NKAIN2: variants seen among roughly 807,000 people sequenced by gnomAD.
NKAIN2 encodes the protein sodium/potassium transporting ATPase interacting 2.
NKAIN2 carries 14 observed loss-of-function variants against 32.6 expected under a neutral mutation model. The observed-to-expected ratio is 0.43, with a 90% confidence interval of 0.28 to 0.67. NKAIN2 has a LOEUF of 0.67. NKAIN2 is among the 30% of genes least tolerant of loss of function. The pLI, the probability that NKAIN2 is intolerant of heterozygous loss-of-function variation, is 0.17. For missense variants in NKAIN2, 198 were observed against 258.3 expected (o/e 0.77, Z 1.60); for synonymous variants, 80 against 87.2 (o/e 0.92, Z 0.46).
chr6:124,021,502 G>A (rs1002741571), intron 1 of NKAIN2, among the ~76,000 whole-genome samples: 1 of 151,606 alleles, frequency 6.6e-6, no homozygotes, highest in Admixed American at 6.6e-5. Flanking sequence ...TCATATTTTA[G>A]TATTATATTA....
chr6:124,013,030 A>G (rs1780408327), intron 1 of NKAIN2, among the ~76,000 whole-genome samples: 1 of 152,182 alleles, frequency 6.6e-6, no homozygotes, highest in African/African-American at 2.4e-5. Context: ...GCCATTTAAT[A>G]GGTATTAATA....
intron 1 of NKAIN2, among the ~76,000 whole-genome samples, chr6:123,853,077 A>G (rs1241282017): frequency 6.6e-6 from 1 of 152,310 alleles, no homozygotes; most frequent in South Asian, 2.1e-4. Flanking sequence ...CAGAGTCCTC[A>G]TGTCTTGATA....
chr6:124,650,084 G>C (rs1168783378), intron 3 of NKAIN2, among the ~76,000 whole-genome samples: 4 of 152,154 alleles, frequency 2.6e-5, no homozygotes, highest in Admixed American at 2.6e-4. Flanking sequence ...ACTAAGATCA[G>C]GAACAAAGCA....
At chr6:124,680,563 G>A (rs1359116173) in intron 4 of NKAIN2, among the ~76,000 whole-genome samples, 2 of 152,072 alleles carry the variant, frequency 1.3e-5, no homozygotes, top group African/African-American at 4.8e-5. Context: ...TTATGTCTTA[G>A]TGGTATTTGG....
chr6:124,763,538 C>G (rs1178405509), intron 4 of NKAIN2, among the ~76,000 whole-genome samples: 1 of 152,116 alleles, frequency 6.6e-6, no homozygotes, highest in Non-Finnish European at 1.5e-5. Context: ...CAATCTGCCC[C>G]CATAATCCAA....
intron 1 of NKAIN2, among the ~76,000 whole-genome samples, chr6:123,970,537 T>C (rs1419112430): frequency 6.6e-6 from 1 of 152,158 alleles, no homozygotes; most frequent in African/African-American, 2.4e-5. Flanking sequence ...GCTTTCTGAC[T>C]TGAAAGATGA....
intron 3 of NKAIN2, among the ~76,000 whole-genome samples, chr6:124,445,152 A>G (rs896835507): frequency 5.9e-5 from 9 of 152,082 alleles, no homozygotes; most frequent in African/African-American, 2.2e-4. Flanking sequence ...GAGCAACTCT[A>G]TGTAGAATGG....
intron 3 of NKAIN2, among the ~76,000 whole-genome samples, chr6:124,647,496 C>CCAAA (rs1784219368): frequency 1.7e-5 from 1 of 58,940 alleles, no homozygotes; most frequent in Non-Finnish European, 2.8e-5. Flanking sequence ...GAGACTCTGT[C>CCAAA]AAAAAAAAAA....
At chr6:124,280,395 T>C (rs1469078105) in intron 1 of NKAIN2, among the ~76,000 whole-genome samples, 2 of 152,160 alleles carry the variant, frequency 1.3e-5, no homozygotes, top group Non-Finnish European at 2.9e-5. Flanking sequence ...TATTTGTTTT[T>C]GGACTAAGTG....
chr6:124,666,592 A>G (rs1772809210), intron 4 of NKAIN2, among the ~76,000 whole-genome samples: 1 of 152,148 alleles, frequency 6.6e-6, no homozygotes. Flanking sequence ...TGTAATGTCA[A>G]TCAAGTTTTG....
At chr6:124,783,166 A>G (rs1036215218) in intron 4 of NKAIN2, among the ~76,000 whole-genome samples, 24 of 152,280 alleles carry the variant, frequency 1.6e-4, no homozygotes, top group African/African-American at 5.5e-4. Context: ...GTTATTAGCC[A>G]TCTTTCGTCC....
In NKAIN2 at chr6:124,664,636, T is replaced by C. The variant is rs976695349; in HGVS notation, c.474+6250T>C. 6.7e-5 allele frequency among the ~76,000 whole-genome samples: 10 copies of C among 148,944 alleles called. No individual in the cohort carries two copies. In the South Asian group the frequency reaches 1.5e-3, roughly 22 times the overall value. On this transcript the variant is annotated intron_variant, in intron 4 of 6. Transcript: ENST00000368417. ...GGTGAAACCCCGTCTCTACTAAAAA[T>C]ACAAAAAATTAGCCGGGCGTAGTGG...
chr6:124,522,566 C>T (rs1779154227), intron 3 of NKAIN2, among the ~76,000 whole-genome samples: 1 of 152,170 alleles, frequency 6.6e-6, no homozygotes, highest in Non-Finnish European at 1.5e-5. Flanking sequence ...CTTATTGTGT[C>T]ACCCACTTAC....
At chr6:124,496,021 C>T (rs1045773281) in intron 3 of NKAIN2, among the ~76,000 whole-genome samples, 3 of 152,200 alleles carry the variant, frequency 2.0e-5, no homozygotes, top group Admixed American at 6.5e-5. Flanking sequence ...ATTAAGATGC[C>T]GTGACAGCTC....
rs896883566 is a variant in NKAIN2, at chr6:123,963,953, A to G, written c.54+159699A>G. Among the ~76,000 whole-genome samples the G allele has an allele frequency of 3.3e-5, 5 of 152,178 alleles. No individual in the cohort carries two copies. The South Asian group carries it at 1.0e-3, about 32-fold the overall frequency. On this transcript the variant is annotated intron_variant, in intron 1 of 6. Transcript: ENST00000368417. ...TCATGTATGCCCATTTTATAGGACT[A>G]GGAGTATAATGATGATATTTTAAAT... is the stretch of plus-strand genomic sequence containing the variant.
At chr6:124,174,678 G>C (rs1445895184) in intron 1 of NKAIN2, among the ~76,000 whole-genome samples, 1 of 152,078 alleles carries the variant, frequency 6.6e-6, no homozygotes, top group Non-Finnish European at 1.5e-5. Flanking sequence ...TGCATCAAGA[G>C]ATTATTAAGG....
rs116761964 is a variant in NKAIN2 at position 124,562,609 on chromosome 6, T to G, written c.274-95577T>G. On this transcript the variant is annotated intron_variant, in intron 3 of 6. Transcript: ENST00000368417. ...TTAAAACTTAAAATGTTCAAAATTT[T>G]TATTTATCAATTCATTTAAGAACAA... Among the ~76,000 whole-genome samples the G allele has an allele frequency of 4.0e-3, 607 of 152,328 alleles. 4 individuals carry two copies. Among genetic ancestry groups the G allele is most frequent in the African/African-American group, 0.014 (565 of 41,584 alleles).
At chr6:124,233,243 G>A (rs1451960108) in intron 1 of NKAIN2, among the ~76,000 whole-genome samples, 1 of 151,838 alleles carries the variant, frequency 6.6e-6, no homozygotes, top group African/African-American at 2.4e-5. Context: ...AAAAACAGAA[G>A]TTCACTCTAT....
intron 1 of NKAIN2, among the ~76,000 whole-genome samples, chr6:124,024,851 G>T (rs1781033511): frequency 6.6e-6 from 1 of 152,034 alleles, no homozygotes; most frequent in Admixed American, 6.6e-5. Flanking sequence ...GCCGAGCATG[G>T]TGGCACATGC....
Sources: allele counts gnomAD v4.1 joint callset (sites outside exome capture counted in the v4.1 genomes callset), GRCh38; gene constraint gnomAD v4.1.1; transcripts MANE v1.5; gene names NCBI Gene and HGNC (gene_info 2026-07-23, HGNC 2026-07-21).